Variants in MNAT1 observed in about 807,000 individuals in gnomAD.
The protein encoded by MNAT1 is CDK-activating kinase assembly factor MAT1.
A neutral mutation model predicts 42.0 loss-of-function variants in MNAT1; 43 were observed. That is an observed-to-expected ratio of 1.02 (90% CI 0.80 to 1.32). The LOEUF (loss-of-function observed/expected upper bound fraction) is 1.32. MNAT1 is among the 40% of genes most tolerant of loss of function. The pLI, the probability that MNAT1 is intolerant of heterozygous loss-of-function variation, is 0.00. For missense variants in MNAT1, 306 were observed against 350.4 expected (o/e 0.87, Z 1.01); for synonymous variants, 118 against 120.0 (o/e 0.98, Z 0.11).
chr14:60,953,274 C>T (rs529053970), intron 7 of MNAT1, among the ~76,000 whole-genome samples: 51 of 152,132 alleles, frequency 3.4e-4, no homozygotes, highest in South Asian at 8.3e-4. Context: ...TGTCTGTTAG[C>T]GTGTAGGTAT....
intron 1 of MNAT1, among the ~76,000 whole-genome samples, chr14:60,788,393 A>G (rs933096311): frequency 2.6e-5 from 4 of 152,182 alleles, no homozygotes; most frequent in African/African-American, 9.6e-5. Flanking sequence ...TAGATTTAGC[A>G]TAATATTTAA....
At position 60,830,195 on chromosome 14, in the gene MNAT1, T is replaced by G. The variant is rs577873975; in HGVS notation, c.687+11348T>G. 2.0e-5 allele frequency among the ~76,000 whole-genome samples: 3 copies of G among 152,274 alleles called. No individual in the cohort carries two copies. The East Asian group carries it at 5.8e-4, about 29-fold the overall frequency. On this transcript the variant is annotated intron_variant, in intron 6 of 7. Coordinates refer to ENST00000261245, the MANE Select transcript of MNAT1 (RefSeq NM_002431.4). ...GGAATTTCACATTTAAAAATGAGTA[T>G]GTGGAAGAATTGTTAGCAAAAGAAT...
At chr14:60,960,925 A>G (rs1454660537) in intron 7 of MNAT1, among the ~76,000 whole-genome samples, 3 of 151,904 alleles carry the variant, frequency 2.0e-5, no homozygotes, top group Non-Finnish European at 4.4e-5. Flanking sequence ...AAAGTGGACC[A>G]TTTACATTAT....
chr14:60,937,167 T>G (rs2036015772), intron 7 of MNAT1, among the ~76,000 whole-genome samples: 1 of 152,150 alleles, frequency 6.6e-6, no homozygotes, highest in Non-Finnish European at 1.5e-5. Context: ...TTTCTCCCAT[T>G]CTGTAGGTTG....
chr14:60,778,059 T>A (rs950992090), intron 1 of MNAT1, among the ~76,000 whole-genome samples: 1 of 152,324 alleles, frequency 6.6e-6, no homozygotes, highest in African/African-American at 2.4e-5. Context: ...TTGTTTTGAT[T>A]CTTTTAAGAT....
intron 1 of MNAT1, among the ~76,000 whole-genome samples, chr14:60,792,136 G>T (rs971080705): frequency 2.0e-5 from 3 of 151,992 alleles, no homozygotes; most frequent in African/African-American, 7.2e-5. Flanking sequence ...AATGCACCAG[G>T]TGTTATTTTT....
intron 6 of MNAT1, among the ~76,000 whole-genome samples, chr14:60,846,992 G>A (rs868351943): frequency 8.6e-5 from 13 of 152,018 alleles, no homozygotes; most frequent in East Asian, 1.9e-4. Context: ...TCTGTCCAGC[G>A]TTGCTTCATG....
At chr14:60,850,487 T>C (rs1409020137) in intron 6 of MNAT1, among the ~76,000 whole-genome samples, 2 of 152,220 alleles carry the variant, frequency 1.3e-5, no homozygotes, top group African/African-American at 4.8e-5. Context: ...GAGACTTTTT[T>C]CCTTGCCTTT....
rs768740616 is a variant in MNAT1 at position 60,796,370 on chromosome 14, G to T, written c.242+1G>T. 6.2e-7 allele frequency: 1 copy of T among 1,610,914 alleles called. No individual in the cohort carries two copies. Among genetic ancestry groups the T allele is most frequent in the Non-Finnish European group, 8.5e-7 (1 of 1,178,472 alleles). Reference sequence around the variant, plus strand: ...AGATCAGGAAAAAAGTGCTAAAGATGTAAGTATTCCTGCTCGAATGATTCA... The same window carrying T: ...AGATCAGGAAAAAAGTGCTAAAGATTTAAGTATTCCTGCTCGAATGATTCA... On this transcript the variant is annotated splice_donor_variant, in intron 2 of 7. Transcript: ENST00000261245. LOFTEE classifies it high-confidence loss of function.
At chr14:60,783,037 C>G (rs2031519739) in intron 1 of MNAT1, among the ~76,000 whole-genome samples, 1 of 152,184 alleles carries the variant, frequency 6.6e-6, no homozygotes, top group Non-Finnish European at 1.5e-5. Flanking sequence ...CTACTTATAA[C>G]AAATCCCTAG....
Position 60,888,399 on chromosome 14 carries a change from G to A in MNAT1, c.809+8564G>A, listed in dbSNP as rs545666484. ...AAAGCCTTTGACAAAATTCAACAAC[G>A]CTTCATGCTAGAAACTCTCAATAAA... is the stretch of plus-strand genomic sequence containing the variant. On this transcript the variant is annotated intron_variant, in intron 7 of 7. Transcript: ENST00000261245. 8.8e-4 allele frequency among the ~76,000 whole-genome samples: 134 copies of A among 151,988 alleles called. 2 individuals carry two copies. Among genetic ancestry groups the A allele is most frequent in the African/African-American group, 3.2e-3 (131 of 41,392 alleles).
At chr14:60,897,101 C>A (rs4151316) in intron 7 of MNAT1, among the ~76,000 whole-genome samples, 87,499 of 151,920 alleles carry the variant, frequency 0.58, 27,325 homozygotes, top group East Asian at 0.7. Context: ...AAGTTCATAT[C>A]ACATTTTAAT....
rs778941142 is a variant in MNAT1, at chr14:60,808,356, C to T, written c.348C>T (p.Asp116=). The T allele has an allele frequency of 6.3e-6, 10 of 1,581,942 alleles. No homozygotes were observed. The South Asian group carries it at 1.2e-4, about 19-fold the overall frequency. The change falls in exon 4 of 8, where the codon GAC becomes GAT. Residue 116 remains aspartate, a synonymous_variant. Transcript: ENST00000261245. ...VFNLTNNVDL[D]NTKKKMEIYQ... ...ACTTGACCAACAATGTGGATTTGGACAACACCAAAAAGAAAATGGAGATAT... is the reference window on the plus strand; with the variant it reads ...ACTTGACCAACAATGTGGATTTGGATAACACCAAAAAGAAAATGGAGATAT...
At chr14:60,811,221 A>G (rs900340337) in intron 4 of MNAT1, among the ~76,000 whole-genome samples, 1 of 147,400 alleles carries the variant, frequency 6.8e-6, no homozygotes. Flanking sequence ...GTTGATGATC[A>G]CTCCTTATCA....
intron 1 of MNAT1, among the ~76,000 whole-genome samples, chr14:60,763,890 T>C (rs2030708080): frequency 6.6e-6 from 1 of 152,210 alleles, no homozygotes. Context: ...GCTTTAGATA[T>C]GGTTATTTAA....
intron 6 of MNAT1, among the ~76,000 whole-genome samples, chr14:60,829,939 T>A (rs1238116510): frequency 2.0e-5 from 3 of 152,214 alleles, no homozygotes; most frequent in African/African-American, 7.2e-5. Context: ...CTATAACATT[T>A]GCAAAGCAGT....
At chr14:60,813,306 T>G (rs750748042) in intron 5 of MNAT1, among the ~76,000 whole-genome samples, 1 of 152,162 alleles carries the variant, frequency 6.6e-6, no homozygotes, top group Non-Finnish European at 1.5e-5. Context: ...GCTGGCTAGA[T>G]CTGCGCTGAC....
intron 7 of MNAT1, among the ~76,000 whole-genome samples, chr14:60,903,219 T>C (rs1299417825): frequency 2.0e-5 from 3 of 152,110 alleles, no homozygotes; most frequent in African/African-American, 7.2e-5. Flanking sequence ...CGTCTTCACA[T>C]TTAATTTTAT....
intron 7 of MNAT1, among the ~76,000 whole-genome samples, chr14:60,959,794 G>A (rs1443667734): frequency 6.6e-6 from 1 of 152,038 alleles, no homozygotes; most frequent in East Asian, 1.9e-4. Context: ...CCATCTTTCT[G>A]ACATCATTCC....
Sources: gnomAD v4.1 joint callset for allele counts (sites outside exome capture counted in the v4.1 genomes callset) on GRCh38, gnomAD v4.1.1 for gene constraint, MANE v1.5 for transcripts, NCBI Gene and HGNC (gene_info 2026-07-23, HGNC 2026-07-21) for gene names.